The following RBM15 variants were observed in gnomAD, a reference collection of about 807,000 sequenced individuals.
RBM15 encodes RNA binding motif protein 15, also known as RNA-binding protein 15.
RBM15 carries 8 observed loss-of-function variants against 62.6 expected under a neutral mutation model. That is an observed-to-expected ratio of 0.13 (90% CI 0.07 to 0.23). The LOEUF is 0.23. RBM15 is among the 10% of genes least tolerant of loss of function. The pLI, the probability that RBM15 is intolerant of heterozygous loss-of-function variation, is 1.00. For synonymous variants in RBM15, 606 were observed against 505.7 expected, an observed-to-expected ratio of 1.20 and a Z score of -2.66; for missense variants, 1,144 against 1,286.5, an observed-to-expected ratio of 0.89 and a Z score of 1.69.
Position 110,340,136 on chromosome 1 carries a change from C to G in RBM15, c.731C>G (p.Pro244Arg). The G allele has an allele frequency of 6.2e-7, 1 of 1,613,878 alleles. No homozygotes were observed. Among genetic ancestry groups the G allele is most frequent in the African/African-American group, 1.3e-5 (1 of 75,044 alleles). The change falls in exon 1 of 3, where the codon CCT becomes CGT. Residue 244 changes from proline to arginine, a missense_variant. By Grantham distance (103) the Pro-to-Arg change is moderately radical. Transcript: ENST00000369784. This position sits in a 1 kb window ranked among gnomAD's most constrained non-coding sequence, Gnocchi z 5.8. ...GGCCGCCTGGTGCTCTATGACCGGC[C>G]TCTGAAGATAGAAGCTGTGTATGTG... Reference protein sequence around the residue: ...ARGRLVLYDRPLKIEAVYVSR... With the variant: ...ARGRLVLYDRRLKIEAVYVSR...
rs942953818 is a variant in RBM15, at chr1:110,339,392, A to G, written c.-14A>G. The G allele has an allele frequency of 1.3e-6, 2 of 1,507,310 alleles. No individual in the cohort carries two copies. Among genetic ancestry groups the G allele is most frequent in the Non-Finnish European group, 1.8e-6 (2 of 1,127,882 alleles). The allele number at this position is 1,507,310 out of a possible 1,614,324, so 93.4% of individuals were successfully genotyped here. The stretch of plus-strand genomic sequence containing the variant: ...TTTTCCCAATGAGACTGTAGAAGAG[A>G]GAGCAATTGGCCAATGAGGACTGCG... On this transcript the variant is annotated 5_prime_UTR_variant, in exon 1 of 3. Transcript: ENST00000369784.
chr1:110,346,033 A>C (rs750894072), intron 2 of RBM15, among the ~76,000 whole-genome samples: 15 of 152,150 alleles, frequency 9.9e-5, no homozygotes, highest in Non-Finnish European at 2.1e-4. Context: ...ACTCAGTTAC[A>C]TGAGTTAAAG....
chr1:110,341,190 A>G lies in RBM15; in HGVS notation c.1785A>G (p.Glu595=). ...TGCCACCCCCACCCCCAGTCCGAGA[A>G]CGCAGCACTCGGACTGCAGCTACTT... is the stretch of plus-strand genomic sequence containing the variant. The part of the protein sequence containing the change: ...DWVPPPPPVR[E]RSTRTAATSV... The change falls in exon 1 of 3, where the codon GAA becomes GAG. Residue 595 remains glutamate (E), a synonymous_variant. Transcript: ENST00000369784. This position sits in a 1 kb window ranked among gnomAD's most constrained non-coding sequence, Gnocchi z 4.5. 6.2e-7 allele frequency: 1 copy of G among 1,614,104 alleles called. No individual in the cohort carries two copies. Among genetic ancestry groups the G allele is most frequent in the Middle Eastern group, 1.6e-4 (1 of 6,062 alleles).
Position 110,339,500 on chromosome 1 carries a change from C to T in RBM15, c.95C>T (p.Thr32Ile), listed in dbSNP as rs368046643. ...GAAACGAGCGCGGGGCGGCGGGTTA[C>T]TCAGCTCCGCGGAGACGACCTCCGA... ...LCETSAGRRVTQLRGDDLRRP... is the reference protein window; with the variant it reads ...LCETSAGRRVIQLRGDDLRRP... The change falls in exon 1 of 3, where the codon ACT becomes ATT. Residue 32 changes from threonine (T) to isoleucine (I), a missense_variant. Thr to Ile is a moderately conservative substitution (Grantham distance 89). This residue lies in a region of RBM15 where 298 missense variants were observed against 250.0 expected (regional missense o/e 1.19). Coordinates refer to ENST00000369784, the MANE Select transcript of RBM15 (RefSeq NM_022768.5). 10 of 1,592,676 alleles carry T rather than the reference C, an allele frequency of 6.3e-6. No individual in the cohort carries two copies. The highest frequency in any genetic ancestry group is 1.7e-4 in the Middle Eastern group (1 of 5,984).
In RBM15 at chr1:110,341,298, T is replaced by G; in HGVS notation, c.1893T>G (p.Asp631Glu). ...WSLDRDRGDR[D>E]LPSSRDQPRK... is the part of the protein sequence containing the mutation. ...TGGACCGGGACAGAGGTGATCGAGA[T>G]CTGCCCAGCAGCAGAGACCAGCCTA... The change falls in exon 1 of 3, where the codon GAT becomes GAG. Residue 631 changes from aspartate (D) to glutamate (E), a missense_variant. Transcript: ENST00000369784. The surrounding 1 kb of genome is among the most constrained non-coding windows in gnomAD (Gnocchi z 4.5). 1 of 1,614,010 alleles carries G rather than the reference T, an allele frequency of 6.2e-7. No individual in the cohort carries two copies. Among genetic ancestry groups the G allele is most frequent in the Non-Finnish European group, 8.5e-7 (1 of 1,179,996 alleles).
rs1002486500 is a variant in RBM15 at position 110,340,614 on chromosome 1, A to G, written c.1209A>G (p.Val403=). Residue 403 remains valine, a synonymous_variant, in exon 1 of 3, where the codon GTA becomes GTG. Coordinates refer to ENST00000369784, the MANE Select transcript of RBM15 (RefSeq NM_022768.5). This position sits in a 1 kb window ranked among gnomAD's most constrained non-coding sequence, Gnocchi z 5.8. ...AFDRFGVITE[V]DIKRPSRGQT... The stretch of plus-strand genomic sequence containing the variant: ...ATCGCTTTGGAGTCATCACAGAAGT[A>G]GATATCAAGAGGCCTTCTCGCGGCC... 1.2e-6 allele frequency: 2 copies of G among 1,614,226 alleles called. No individual in the cohort carries two copies. The highest frequency in any genetic ancestry group is 8.5e-7 in the Non-Finnish European group (1 of 1,180,030).
rs555434291 is a variant in RBM15 at position 110,343,715 on chromosome 1, T to C, written c.2863+1447T>C. On this transcript the variant is annotated intron_variant, in intron 1 of 2. Transcript: ENST00000369784. ...AGCTAAGGCCCTTGATATTTAATTA[T>C]GATTAGAGACTTTTGGACCTTCTGG... Among the ~76,000 whole-genome samples, 231 of 152,302 alleles carry C rather than the reference T, an allele frequency of 1.5e-3. 2 individuals carry two copies. The highest frequency in any genetic ancestry group is 3.4e-3 in the Middle Eastern group (1 of 294).
chr1:110,341,317 C>G lies in RBM15; in HGVS notation c.1912C>G (p.Gln638Glu). The G allele has an allele frequency of 6.2e-7, 1 of 1,614,166 alleles. No homozygotes were observed. Among genetic ancestry groups the G allele is most frequent in the Non-Finnish European group, 8.5e-7 (1 of 1,180,040 alleles). Residue 638 changes from glutamine (Q) to glutamate (E), a missense_variant, in exon 1 of 3, where the codon CAG (glutamine) becomes GAG (glutamate). Coordinates refer to ENST00000369784, the MANE Select transcript of RBM15 (RefSeq NM_022768.5). The surrounding 1 kb of genome is among the most constrained non-coding windows in gnomAD (Gnocchi z 4.5). ...TCGAGATCTGCCCAGCAGCAGAGAC[C>G]AGCCTAGGAAGCGAAGGCTGCCTGA... is the stretch of plus-strand genomic sequence containing the variant. ...GDRDLPSSRD[Q>E]PRKRRLPEES...
Position 110,341,113 on chromosome 1 carries a change from C to A in RBM15, c.1708C>A (p.Pro570Thr), listed in dbSNP as rs757903319. ...GAGGGGTGCTCGGGATAGGACACCA[C>A]CCTTACTATACAGAGATCGTGATAG... is the stretch of plus-strand genomic sequence containing the variant. ...PLRGARDRTP[P>T]LLYRDRDRDL... Residue 570 changes from proline to threonine, a missense_variant, in exon 1 of 3, where the codon CCC becomes ACC. Pro to Thr is a conservative substitution (Grantham distance 38). Transcript: ENST00000369784. The surrounding 1 kb of genome is among the most constrained non-coding windows in gnomAD (Gnocchi z 4.5). 1 of 1,614,166 alleles carries A rather than the reference C, an allele frequency of 6.2e-7. No homozygotes were observed. The highest frequency in any genetic ancestry group is 1.7e-5 in the Admixed American group (1 of 60,026).
chr1:110,343,380 C>T (rs1238652872), intron 1 of RBM15, among the ~76,000 whole-genome samples: 1 of 152,134 alleles, frequency 6.6e-6, no homozygotes, highest in East Asian at 1.9e-4. Context: ...TTTTGAACAT[C>T]TTGGAAATTT....
At position 110,341,561 on chromosome 1, in the gene RBM15, G is replaced by C; in HGVS notation, c.2156G>C (p.Arg719Pro). The C allele has an allele frequency of 1.2e-6, 2 of 1,614,048 alleles. No homozygotes were observed. The highest frequency in any genetic ancestry group is 2.2e-5 in the East Asian group (1 of 44,856). ...AAGAGCCAGGGTGACAAGCGAGACC[G>C]TAAAAACTCTGCATCAGCTGAACGA... ...LEKSQGDKRD[R>P]KNSASAERDR... The change falls in exon 1 of 3, where the codon CGT (arginine) becomes CCT (proline). Residue 719 changes from arginine (R) to proline (P), a missense_variant. Around this residue, in one of 8 missense-constraint regions of RBM15, gnomAD observed 360 missense variants for 342.9 expected, o/e 1.05. Coordinates refer to ENST00000369784, the MANE Select transcript of RBM15 (RefSeq NM_022768.5). This position sits in a 1 kb window ranked among gnomAD's most constrained non-coding sequence, Gnocchi z 4.5.
At position 110,339,504 on chromosome 1, in the gene RBM15, G is replaced by GCTCCGCGGAGACGAC. The variant is rs1557890305; in HGVS notation, c.105_119dup (p.Gly36_Arg40dup). ...CGAGCGCGGGGCGGCGGGTTACTCA[G>GCTCCGCGGAGACGAC]CTCCGCGGAGACGACCTCCGACGAC... On this transcript the variant is annotated inframe_insertion, in exon 1 of 3. Coordinates refer to ENST00000369784, the MANE Select transcript of RBM15 (RefSeq NM_022768.5). 2 of 1,595,888 alleles carry GCTCCGCGGAGACGAC rather than the reference G, an allele frequency of 1.3e-6. No homozygotes were observed. The highest frequency in any genetic ancestry group is 1.7e-5 in the Admixed American group (1 of 58,902).
Position 110,346,344 on chromosome 1 carries a change from C to T in RBM15, c.*77C>T. On this transcript the variant is annotated 3_prime_UTR_variant, in exon 3 of 3. Transcript: ENST00000369784. ...GAACAGCGGATGAAGATATGGAATTCAAAGCTCTAATGGACCTTTTTGAAG... is the reference window on the plus strand; with the variant it reads ...GAACAGCGGATGAAGATATGGAATTTAAAGCTCTAATGGACCTTTTTGAAG... 1.9e-6 allele frequency: 3 copies of T among 1,598,284 alleles called. No individual in the cohort carries two copies. Among genetic ancestry groups the T allele is most frequent in the Non-Finnish European group, 2.5e-6 (3 of 1,179,760 alleles).
At chr1:110,346,172 T>A in intron 2 of RBM15, 136 bp from the exon 3 acceptor site, 1 of 797,086 alleles carries the variant, frequency 1.3e-6, no homozygotes, top group Non-Finnish European at 2.0e-6. Context: ...TATTGGTGCT[T>A]TTTGAAGTTG....
At chr1:110,342,467 A>T in intron 1 of RBM15, 199 bp downstream of exon 1, 1 of 454,168 alleles carries the variant, frequency 2.2e-6, no homozygotes, top group Admixed American at 3.9e-5. Context: ...TTTAGCTATT[A>T]TTTTAAGTGA....
Position 110,341,084 on chromosome 1 carries a change from C to A in RBM15, c.1679C>A (p.Pro560His). The A allele has an allele frequency of 6.2e-7, 1 of 1,614,168 alleles. No homozygotes were observed. Among genetic ancestry groups the A allele is most frequent in the Non-Finnish European group, 8.5e-7 (1 of 1,180,038 alleles). The change falls in exon 1 of 3, where the codon CCT becomes CAT. Residue 560 changes from proline (P) to histidine (H), a missense_variant. By Grantham distance (77) the Pro-to-His change is moderately conservative (BLOSUM62 -2). Transcript: ENST00000369784. The surrounding 1 kb of genome is among the most constrained non-coding windows in gnomAD (Gnocchi z 4.5). ...TDAFGHRAPD[P>H]LRGARDRTPP... ...GCTTTTGGACATCGGGCACCAGACCCTTTGAGGGGTGCTCGGGATAGGACA... is the reference window on the plus strand; with the variant it reads ...GCTTTTGGACATCGGGCACCAGACCATTTGAGGGGTGCTCGGGATAGGACA...
chr1:110,339,975 G>A lies in RBM15; in HGVS notation c.570G>A (p.Leu190=). ...QLSDEAVEDG[L]FHEFKRFGDV... ...GTGACGAAGCGGTGGAGGACGGCCT[G>A]TTTCATGAGTTCAAACGCTTCGGTG... Residue 190 remains leucine (L), a synonymous_variant, in exon 1 of 3, where the codon CTG becomes CTA. Transcript: ENST00000369784. 2 of 1,614,078 alleles carry A rather than the reference G, an allele frequency of 1.2e-6. No homozygotes were observed. The highest frequency in any genetic ancestry group is 1.7e-6 in the Non-Finnish European group (2 of 1,180,010).
chr1:110,339,914 A>G lies in RBM15; in HGVS notation c.509A>G (p.Lys170Arg), dbSNP rs139502540. 1.5e-3 allele frequency: 2,478 copies of G among 1,612,920 alleles called. 2 individuals carry two copies. The highest frequency in any genetic ancestry group is 2.0e-3 in the Middle Eastern group (12 of 6,060). ...GGCGGCGGGGACGGCGCGGAATACA[A>G]GACTCTGAAGATAAGCGAGTTGGGG... ...APGGGDGAEYKTLKISELGSQ... is the reference protein window; with the variant it reads ...APGGGDGAEYRTLKISELGSQ... The change falls in exon 1 of 3, where the codon AAG becomes AGG. Residue 170 changes from lysine (K) to arginine (R), a missense_variant. Physicochemically the swap from Lys to Arg is conservative, Grantham distance 26. Transcript: ENST00000369784.
At chr1:110,342,487 C>T (rs1660819841) in intron 1 of RBM15, 2 of 417,246 alleles carry the variant, frequency 4.8e-6, no homozygotes, top group African/African-American at 2.1e-5. Context: ...AAAGGGATGC[C>T]CTAAAGGTAG....
Sources: gnomAD v4.1 joint callset for allele counts (sites outside exome capture counted in the v4.1 genomes callset) on GRCh38, gnomAD v4.1.1 for gene constraint, gnomAD v4.1.1 regional missense constraint, Gnocchi (gnomAD v3.1) non-coding constraint, MANE v1.5 for transcripts, NCBI Gene and HGNC (gene_info 2026-07-23, HGNC 2026-07-21) for gene names.